UIMC1: variants seen among roughly 807,000 people sequenced by gnomAD.
UIMC1 encodes BRCA1-A complex subunit RAP80.
UIMC1 carries 42 observed loss-of-function variants against 84.9 expected under a neutral mutation model. That is an observed-to-expected ratio of 0.49 (90% CI 0.39 to 0.64). The LOEUF is 0.64. Among genes scored for constraint, UIMC1 ranks in the 30% least tolerant of loss-of-function variants. The pLI, the probability that UIMC1 is intolerant of heterozygous loss-of-function variation, is 0.00. For missense variants in UIMC1, 825 were observed against 847.6 expected (o/e 0.97, Z 0.33); for synonymous variants, 281 against 293.0 (o/e 0.96, Z 0.42).
At chr5:176,985,116 A>AT (rs928516765) in intron 1 of UIMC1, among the ~76,000 whole-genome samples, 12 of 151,972 alleles carry the variant, frequency 7.9e-5, no homozygotes, top group Admixed American at 1.3e-4. Context: ...ATATAGAGGA[A>AT]TTTTTTTTAG....
intron 10 of UIMC1, among the ~76,000 whole-genome samples, chr5:176,914,061 C>CCATAT (rs1348969022): frequency 6.6e-6 from 1 of 151,440 alleles, no homozygotes; most frequent in Admixed American, 6.6e-5. Flanking sequence ...CCATACCATA[C>CCATAT]CATACCATAC....
chr5:176,967,628 C>T (rs902305980), intron 6 of UIMC1, among the ~76,000 whole-genome samples: 1 of 152,180 alleles, frequency 6.6e-6, no homozygotes, highest in Non-Finnish European at 1.5e-5. Flanking sequence ...TTAGACCAGG[C>T]GTGTTGGCTC....
At chr5:177,002,847 T>A (rs1278516281) in intron 1 of UIMC1, among the ~76,000 whole-genome samples, 1 of 151,950 alleles carries the variant, frequency 6.6e-6, no homozygotes, top group Non-Finnish European at 1.5e-5. Context: ...TTTCAATAAA[T>A]CCTAAGAAAC....
At chr5:177,010,194 T>C (rs1775516141), upstream of UIMC1, among the ~76,000 whole-genome samples, 1 of 152,066 alleles carries the variant, frequency 6.6e-6, no homozygotes, top group Non-Finnish European at 1.5e-5. Flanking sequence ...CTAAACTGAG[T>C]GACAGAGTGA....
chr5:176,987,097 G>A (rs1772137442), intron 1 of UIMC1, among the ~76,000 whole-genome samples: 1 of 151,878 alleles, frequency 6.6e-6, no homozygotes, highest in African/African-American at 2.4e-5. Flanking sequence ...GCGGGCGCCT[G>A]TAATCCCAGC....
rs544465653 is a variant in UIMC1 at position 176,905,036 on chromosome 5, C to T, written c.*246G>A. On this transcript the variant is annotated 3_prime_UTR_variant, in exon 15 of 15. Transcript: ENST00000511320. Reference sequence around the variant, plus strand: ...ATTTCCATCTATTGAAATAAGATTTCGTACAAACATAAATATATTTAAATT... The same window carrying T: ...ATTTCCATCTATTGAAATAAGATTTTGTACAAACATAAATATATTTAAATT... 9 of 347,202 alleles carry T rather than the reference C, an allele frequency of 2.6e-5. No homozygotes were observed. Among genetic ancestry groups the T allele is most frequent in the Middle Eastern group, 8.2e-4 (1 of 1,218 alleles). 21.5% of individuals were successfully genotyped at this position (347,202 alleles called of 1,614,324 possible).
upstream of UIMC1, among the ~76,000 whole-genome samples, chr5:177,011,193 C>CA (rs752829956): frequency 0.016 from 1,931 of 118,002 alleles, 10 homozygotes; most frequent in South Asian, 0.031. Flanking sequence ...GACCCTGTCA[C>CA]AAAAAAAAAA....
intron 13 of UIMC1, among the ~76,000 whole-genome samples, chr5:176,906,414 C>CGG (rs1197946683): frequency 6.6e-6 from 1 of 152,184 alleles, no homozygotes; most frequent in East Asian, 1.9e-4. Flanking sequence ...TCAGAAGGCA[C>CGG]AACAGATTTG....
intron 1 of UIMC1, among the ~76,000 whole-genome samples, chr5:177,017,180 A>G (rs1055544431): frequency 1.3e-5 from 2 of 152,198 alleles, no homozygotes; most frequent in Non-Finnish European, 2.9e-5. Context: ...TTCTGGACCA[A>G]TCTCAGATTC....
intron 10 of UIMC1, among the ~76,000 whole-genome samples, chr5:176,935,609 T>G (rs1019028936): frequency 6.6e-6 from 1 of 152,212 alleles, no homozygotes; most frequent in African/African-American, 2.4e-5. Context: ...TGCAGCAATA[T>G]ACTTAATTAT....
At position 176,905,395 on chromosome 5, in the gene UIMC1, C is replaced by G; in HGVS notation, c.2047G>C (p.Val683Leu). 1 of 1,614,116 alleles carries G rather than the reference C, an allele frequency of 6.2e-7. No individual in the cohort carries two copies. Among genetic ancestry groups the G allele is most frequent in the Non-Finnish European group, 8.5e-7 (1 of 1,180,006 alleles). The change falls in exon 15 of 15, where the codon GTT becomes CTT. Residue 683 changes from valine to leucine, a missense_variant. Transcript: ENST00000511320. Reference sequence around the variant, plus strand: ...CAATCTGTGGCTTCTGAAATGGAAACAAAAGACTTGACGGGAGATTCATTT... The same window carrying G: ...CAATCTGTGGCTTCTGAAATGGAAAGAAAAGACTTGACGGGAGATTCATTT... ...DLNESPVKSFVSISEATDCLV... is the reference protein window; with the variant it reads ...DLNESPVKSFLSISEATDCLV...
chr5:176,931,081 T>C (rs903958015), intron 10 of UIMC1, among the ~76,000 whole-genome samples: 2 of 152,240 alleles, frequency 1.3e-5, no homozygotes, highest in Non-Finnish European at 2.9e-5. Context: ...CTCTGCTGCT[T>C]ACTGCCTGAC....
chr5:177,014,147 G>A (rs1008942098), intron 1 of UIMC1, among the ~76,000 whole-genome samples: 20 of 143,908 alleles, frequency 1.4e-4, no homozygotes, highest in Admixed American at 2.2e-4. Flanking sequence ...CCACCTCCCC[G>A]GTTCAAGCGA....
intron 10 of UIMC1, among the ~76,000 whole-genome samples, chr5:176,937,483 ACT>A (rs1763852109): frequency 6.6e-6 from 1 of 152,100 alleles, no homozygotes; most frequent in Non-Finnish European, 1.5e-5. Flanking sequence ...ACAGAGCAAG[ACT>A]CTGTCTCAAA....
intron 1 of UIMC1, among the ~76,000 whole-genome samples, chr5:176,995,636 G>T (rs2149528793): frequency 6.8e-6 from 1 of 146,376 alleles, no homozygotes; most frequent in South Asian, 2.2e-4. Flanking sequence ...GAGGTGAAAA[G>T]ATCGAGACCA....
intron 1 of UIMC1, among the ~76,000 whole-genome samples, chr5:177,003,383 G>A (rs918051509): frequency 6.6e-5 from 10 of 152,102 alleles, no homozygotes; most frequent in African/African-American, 2.2e-4. Flanking sequence ...GGCCGGGCGC[G>A]GTGGTTCACG....
At chr5:176,982,763 G>C (rs993710576) in intron 1 of UIMC1, 140 bp from the exon 2 acceptor site, 1 of 998,618 alleles carries the variant, frequency 1.0e-6, no homozygotes, top group Non-Finnish European at 1.4e-6. Context: ...GCAATGGCAC[G>C]ATCTTGGCTC....
At chr5:177,000,349 C>T (rs1561922087) in intron 1 of UIMC1, among the ~76,000 whole-genome samples, 1 of 152,064 alleles carries the variant, frequency 6.6e-6, no homozygotes, top group African/African-American at 2.4e-5. Context: ...CCCTTTACCC[C>T]ACATCCTTGC....
chr5:176,942,904 C>CA (rs1397665084), intron 10 of UIMC1, among the ~76,000 whole-genome samples: 3 of 149,616 alleles, frequency 2.0e-5, no homozygotes, highest in East Asian at 4.0e-4. Flanking sequence ...AAAAAAAGTA[C>CA]AAAAAAAATT....
Sources: gnomAD v4.1 joint callset for allele counts (sites outside exome capture counted in the v4.1 genomes callset) on GRCh38, gnomAD v4.1.1 for gene constraint, MANE v1.5 for transcripts, NCBI Gene and HGNC (gene_info 2026-07-23, HGNC 2026-07-21) for gene names.